The following PKNOX2 variants were observed in gnomAD, a reference collection of about 807,000 sequenced individuals.
The protein encoded by PKNOX2 is homeobox protein PKNOX2.
Under a neutral mutation model 53.1 loss-of-function variants are expected in PKNOX2, and 14 were observed. That is an observed-to-expected ratio of 0.26 (90% CI 0.17 to 0.41). The LOEUF (loss-of-function observed/expected upper bound fraction) is 0.41. Among genes scored for constraint, PKNOX2 ranks in the 10% least tolerant of loss-of-function variants. The pLI, the probability that PKNOX2 is intolerant of heterozygous loss-of-function variation, is 1.00. For synonymous variants in PKNOX2, 257 were observed against 242.8 expected (o/e 1.06, Z -0.54); for missense variants, 496 against 602.8 (o/e 0.82, Z 1.85).
chr11:125,262,035 T>C (rs1335342431), intron 2 of PKNOX2, among the ~76,000 whole-genome samples: 1 of 152,100 alleles, frequency 6.6e-6, no homozygotes, highest in African/African-American at 2.4e-5. Context: ...TGCAACCAAC[T>C]ATTTTAGGGC....
intron 2 of PKNOX2, among the ~76,000 whole-genome samples, chr11:125,250,135 C>G (rs948445046): frequency 6.7e-6 from 1 of 149,772 alleles, no homozygotes; most frequent in African/African-American, 2.5e-5. Context: ...AGGCTAGACT[C>G]GAACTCCTAG....
At chr11:125,206,882 C>T (rs1259684803) in intron 1 of PKNOX2, among the ~76,000 whole-genome samples, 2 of 151,948 alleles carry the variant, frequency 1.3e-5, no homozygotes, top group East Asian at 1.9e-4. Flanking sequence ...GCTGGATGAA[C>T]GTGGGCAAGA....
chr11:125,187,317 G>A (rs11602168), intron 1 of PKNOX2, among the ~76,000 whole-genome samples: 1,783 of 151,988 alleles, frequency 0.012, 18 homozygotes, highest in Non-Finnish European at 0.02. Context: ...TGACATCTAA[G>A]CAATATTAAG....
chr11:125,234,736 T>C (rs35408472), intron 1 of PKNOX2, among the ~76,000 whole-genome samples: 19,210 of 143,468 alleles, frequency 0.13, 1,434 homozygotes, highest in Non-Finnish European at 0.17. Context: ...TTGACAACCA[T>C]GAGGCTTTTT....
At chr11:125,334,910 G>A (rs928053162) in intron 3 of PKNOX2, among the ~76,000 whole-genome samples, 4 of 152,064 alleles carry the variant, frequency 2.6e-5, no homozygotes, top group Non-Finnish European at 5.9e-5. Flanking sequence ...AGACACTTAA[G>A]TTTTCTTACC....
At chr11:125,353,631 C>T (rs1951434182) in intron 4 of PKNOX2, among the ~76,000 whole-genome samples, 2 of 152,220 alleles carry the variant, frequency 1.3e-5, no homozygotes, top group Admixed American at 6.5e-5. Flanking sequence ...GCTCTCCTCT[C>T]TGAGGATCCG....
At chr11:125,302,491 C>T (rs1948145049) in intron 2 of PKNOX2, among the ~76,000 whole-genome samples, 2 of 152,254 alleles carry the variant, frequency 1.3e-5, no homozygotes, top group Non-Finnish European at 2.9e-5. Flanking sequence ...AGCTCACCTG[C>T]TGCTGGACTC....
intron 1 of PKNOX2, among the ~76,000 whole-genome samples, chr11:125,176,089 G>A (rs1030787375): frequency 2.0e-5 from 3 of 152,200 alleles, no homozygotes; most frequent in Admixed American, 6.5e-5. Context: ...GCAGGCGTGA[G>A]TTCCCCTGGG....
chr11:125,387,949 C>T (rs902178654), intron 6 of PKNOX2, among the ~76,000 whole-genome samples: 1 of 151,954 alleles, frequency 6.6e-6, no homozygotes, highest in Non-Finnish European at 1.5e-5. Context: ...ACACCTATCT[C>T]GTGTGATGGT....
intron 5 of PKNOX2, among the ~76,000 whole-genome samples, chr11:125,369,542 A>AT (rs1290347287): frequency 1.4e-4 from 22 of 152,214 alleles, no homozygotes; most frequent in African/African-American, 5.3e-4. Flanking sequence ...CCATCTCTCC[A>AT]GGCACCGATA....
intron 6 of PKNOX2, 143 bp from the exon 7 acceptor site, chr11:125,397,731 C>G (rs1476955384): frequency 1.2e-6 from 1 of 820,176 alleles, no homozygotes; most frequent in African/African-American, 1.7e-5. Context: ...ACTTCTGGGC[C>G]TTTTGGCCAA....
intron 2 of PKNOX2, among the ~76,000 whole-genome samples, chr11:125,327,905 T>C (rs1474519943): frequency 6.6e-6 from 1 of 152,210 alleles, no homozygotes; most frequent in Non-Finnish European, 1.5e-5. Flanking sequence ...CTGATCGTCC[T>C]TCCTCTCTCA....
intron 2 of PKNOX2, among the ~76,000 whole-genome samples, chr11:125,326,366 T>C (rs7124743): frequency 0.07 from 10,678 of 152,172 alleles, 479 homozygotes; most frequent in East Asian, 0.22. Flanking sequence ...GGGGGTGTGC[T>C]TGGCTGTGAG....
At chr11:125,169,692 C>T (rs958675690) in intron 1 of PKNOX2, among the ~76,000 whole-genome samples, 1 of 152,116 alleles carries the variant, frequency 6.6e-6, no homozygotes, top group Non-Finnish European at 1.5e-5. Context: ...AGGCTGCGCT[C>T]TGAGTAAAAA....
At chr11:125,355,948 G>A (rs1450805079) in intron 4 of PKNOX2, among the ~76,000 whole-genome samples, 1 of 151,932 alleles carries the variant, frequency 6.6e-6, no homozygotes, top group Non-Finnish European at 1.5e-5. Flanking sequence ...AGCCACTCCG[G>A]GGAGCCATCC....
intron 12 of PKNOX2, 150 bp from the exon 13 acceptor site, chr11:125,431,016 A>G (rs1054117635): frequency 7.1e-7 from 1 of 1,410,780 alleles, no homozygotes; most frequent in Non-Finnish European, 9.3e-7. Context: ...GAGACTTCAT[A>G]CCAGGGCATT....
intron 2 of PKNOX2, among the ~76,000 whole-genome samples, chr11:125,295,877 C>T (rs1306689696): frequency 6.6e-6 from 1 of 152,146 alleles, no homozygotes; most frequent in Non-Finnish European, 1.5e-5. Flanking sequence ...TAGCTCGCCC[C>T]CGTTCAATAT....
At chr11:125,318,715 G>C (rs570460793) in intron 2 of PKNOX2, among the ~76,000 whole-genome samples, 23 of 152,178 alleles carry the variant, frequency 1.5e-4, no homozygotes, top group African/African-American at 5.1e-4. Flanking sequence ...GATATGGTTC[G>C]GCTCTTTGTC....
At chr11:125,354,871 C>T (rs1226791013) in intron 4 of PKNOX2, among the ~76,000 whole-genome samples, 1 of 151,632 alleles carries the variant, frequency 6.6e-6, no homozygotes, top group African/African-American at 2.4e-5. Context: ...CTTCTAGCCC[C>T]TTAGTTCTGT....
Sources: gnomAD v4.1 joint callset for allele counts (sites outside exome capture counted in the v4.1 genomes callset) on GRCh38, gnomAD v4.1.1 for gene constraint, MANE v1.5 for transcripts, NCBI Gene and HGNC (gene_info 2026-07-23, HGNC 2026-07-21) for gene names.